The following MITF variants were observed in gnomAD, a reference collection of about 807,000 sequenced individuals.
The protein encoded by MITF is microphthalmia-associated transcription factor.
MITF carries 17 observed loss-of-function variants against 60.5 expected under a neutral mutation model. The ratio of observed to expected loss-of-function variants is 0.28; its 90% confidence interval spans 0.19 to 0.42. The LOEUF is 0.42. Ranked by LOEUF, MITF falls within the 10% of genes least tolerant of loss-of-function variation. MITF has a pLI of 1.00. For synonymous variants in MITF, 260 were observed against 248.5 expected (o/e 1.05, Z -0.43); for missense variants, 622 against 683.5 (o/e 0.91, Z 1.00).
chr3:69,778,508 G>A (rs2062511892), intron 1 of MITF, among the ~76,000 whole-genome samples: 1 of 152,156 alleles, frequency 6.6e-6, no homozygotes, highest in African/African-American at 2.4e-5. Context: ...GCTCCATGAT[G>A]TCAGAACCAG....
At chr3:69,828,795 A>T (rs1404908895) in intron 1 of MITF, among the ~76,000 whole-genome samples, 2 of 152,186 alleles carry the variant, frequency 1.3e-5, no homozygotes, top group Non-Finnish European at 2.9e-5. Context: ...CTGGAGTCTG[A>T]CATGAGCATC....
intron 1 of MITF, among the ~76,000 whole-genome samples, chr3:69,848,345 C>CA (rs1389643487): frequency 2.0e-5 from 3 of 152,174 alleles, no homozygotes; most frequent in Non-Finnish European, 4.4e-5. Context: ...GACTCTATGG[C>CA]AATATCACTC....
intron 1 of MITF, among the ~76,000 whole-genome samples, chr3:69,813,575 A>C (rs1024870106): frequency 2.0e-5 from 3 of 152,080 alleles, no homozygotes; most frequent in Admixed American, 1.3e-4. Flanking sequence ...TGACATTGGA[A>C]CACAAGTCTC....
intron 2 of MITF, among the ~76,000 whole-genome samples, chr3:69,886,963 A>G (rs898353184): frequency 3.9e-5 from 6 of 152,108 alleles, no homozygotes; most frequent in African/African-American, 1.4e-4. Context: ...GTTTTAGATG[A>G]TTTTTGAAAT....
At chr3:69,931,581 G>A (rs1309068202) in intron 2 of MITF, among the ~76,000 whole-genome samples, 1 of 152,148 alleles carries the variant, frequency 6.6e-6, no homozygotes, top group Non-Finnish European at 1.5e-5. Context: ...TTTCAGAAAA[G>A]TACATTTGTT....
chr3:69,845,781 G>A (rs1271258224), intron 1 of MITF, among the ~76,000 whole-genome samples: 5 of 152,136 alleles, frequency 3.3e-5, no homozygotes, highest in African/African-American at 4.8e-5. Flanking sequence ...CACCACCCAA[G>A]CTGATCCTGC....
At chr3:69,811,717 T>G (rs2063103133) in intron 1 of MITF, among the ~76,000 whole-genome samples, 1 of 152,196 alleles carries the variant, frequency 6.6e-6, no homozygotes, top group African/African-American at 2.4e-5. Flanking sequence ...GATGCAAATG[T>G]CATTATCATC....
chr3:69,835,552 G>A (rs2063527060), intron 1 of MITF, among the ~76,000 whole-genome samples: 1 of 152,058 alleles, frequency 6.6e-6, no homozygotes, highest in South Asian at 2.1e-4. Flanking sequence ...TCCTTGCCAA[G>A]CCCAGTGTTG....
At chr3:69,930,197 G>C (rs1457174592) in intron 2 of MITF, among the ~76,000 whole-genome samples, 3 of 152,080 alleles carry the variant, frequency 2.0e-5, no homozygotes, top group Non-Finnish European at 2.9e-5. Flanking sequence ...AGAGACCTCT[G>C]TTCTGGGGTG....
chr3:69,803,442 G>A (rs1239657841), intron 1 of MITF, among the ~76,000 whole-genome samples: 1 of 152,086 alleles, frequency 6.6e-6, no homozygotes, highest in African/African-American at 2.4e-5. Context: ...GTTAATGCTT[G>A]GAGAAGGAAC....
chr3:69,901,865 A>G (rs1431480650), intron 2 of MITF, among the ~76,000 whole-genome samples: 4 of 152,198 alleles, frequency 2.6e-5, no homozygotes, highest in African/African-American at 7.2e-5. Flanking sequence ...GTAGGCAATT[A>G]AGGGACCCAT....
intron 1 of MITF, among the ~76,000 whole-genome samples, chr3:69,753,880 C>G (rs978329998): frequency 6.6e-6 from 1 of 152,116 alleles, no homozygotes; most frequent in Non-Finnish European, 1.5e-5. Flanking sequence ...AAGGGACTAG[C>G]CTTATCTCAG....
intron 1 of MITF, among the ~76,000 whole-genome samples, chr3:69,809,336 A>G (rs780775446): frequency 1.3e-5 from 2 of 152,134 alleles, no homozygotes; most frequent in Non-Finnish European, 2.9e-5. Flanking sequence ...TCTTACCCTG[A>G]TCTCTGCTCA....
intron 1 of MITF, among the ~76,000 whole-genome samples, chr3:69,814,816 C>T (rs1354299954): frequency 6.6e-6 from 1 of 152,086 alleles, no homozygotes; most frequent in Non-Finnish European, 1.5e-5. Context: ...GCTTGATTCT[C>T]CCGGCAACAA....
intron 1 of MITF, among the ~76,000 whole-genome samples, chr3:69,828,929 A>G (rs9879921): frequency 0.025 from 3,365 of 134,556 alleles, 121 homozygotes; most frequent in African/African-American, 0.079. Context: ...TGAATTGAAT[A>G]CTGGAATATC....
At chr3:69,906,054 A>G (rs978781134) in intron 2 of MITF, among the ~76,000 whole-genome samples, 9 of 152,248 alleles carry the variant, frequency 5.9e-5, no homozygotes, top group African/African-American at 2.2e-4. Context: ...GCCTAACCCA[A>G]GGTCATAAGG....
In MITF at chr3:69,820,624, A is replaced by T. The variant is rs184276942; in HGVS notation, c.105-58510A>T. On this transcript the variant is annotated intron_variant, in intron 1 of 9. Transcript: ENST00000352241. ...TGATGGCCTGGTAAAACTTCTTTGT[A>T]AACCTAGGGGATGTGATAGAATTGG... is the stretch of plus-strand genomic sequence containing the variant. Among the ~76,000 whole-genome samples the T allele has an allele frequency of 2.6e-5, 4 of 152,362 alleles. No individual in the cohort carries two copies. In the East Asian group the frequency reaches 7.7e-4, roughly 29 times the overall value.
In MITF at chr3:69,965,131, C is replaced by A. The variant is rs755208148; in HGVS notation, c.1464C>A (p.Asp488Glu). The A allele has an allele frequency of 1.9e-6, 3 of 1,614,036 alleles. No homozygotes were observed. The highest frequency in any genetic ancestry group is 2.5e-6 in the Non-Finnish European group (3 of 1,180,034). Residue 488 changes from aspartate to glutamate, a missense_variant, in exon 10 of 10, where the codon GAC becomes GAA. Physicochemically the swap from Asp to Glu is conservative, Grantham distance 45 (BLOSUM62 2). Transcript: ENST00000352241. ...AACTGGAAGACATCCTGATGGACGA[C>A]ACCCTTTCTCCCGTCGGTGTCACTG... The part of the protein sequence containing the change: ...GSKLEDILMD[D>E]TLSPVGVTDP...
intron 1 of MITF, chr3:69,778,748 A>G (rs988027745): frequency 6.6e-6 from 1 of 152,232 alleles, no homozygotes; most frequent in African/African-American, 2.4e-5. Context: ...AGTAGTCTTT[A>G]AAGTATGTTA....
Sources: allele counts gnomAD v4.1 joint callset (sites outside exome capture counted in the v4.1 genomes callset), GRCh38; gene constraint gnomAD v4.1.1; transcripts MANE v1.5; gene names NCBI Gene and HGNC (gene_info 2026-07-23, HGNC 2026-07-21).